AXIN1: variants seen among roughly 807,000 people sequenced by gnomAD.
The protein encoded by AXIN1 is axin-1.
AXIN1 carries 30 observed loss-of-function variants against 76.4 expected under a neutral mutation model. That is an observed-to-expected ratio of 0.39 (90% CI 0.29 to 0.53). The LOEUF is 0.53. AXIN1 is among the 20% of genes least tolerant of loss of function. The pLI is 0.66. For synonymous variants in AXIN1, 545 were observed against 501.4 expected, an observed-to-expected ratio of 1.09 and a Z score of -1.16; for missense variants, 1,140 against 1,198.8, an observed-to-expected ratio of 0.95 and a Z score of 0.72.
intron 1 of AXIN1, among the ~76,000 whole-genome samples, chr16:349,597 T>C (rs1567310297): frequency 6.6e-6 from 1 of 152,166 alleles, no homozygotes; most frequent in African/African-American, 2.4e-5. Flanking sequence ...ACTTAAGTCT[T>C]CTGTGTTAAT....
At position 328,808 on chromosome 16, in the gene AXIN1, G is replaced by T. The variant is rs1416703362; in HGVS notation, c.879-14125C>A. 2.0e-5 allele frequency among the ~76,000 whole-genome samples: 3 copies of T among 152,206 alleles called. No homozygotes were observed. In the East Asian group the frequency reaches 5.8e-4, roughly 29 times the overall value. On this transcript the variant is annotated intron_variant, in intron 2 of 10. Transcript: ENST00000262320. ...AACGGGTGCTACAGACAGGAGAGAT[G>T]GCAGGCAGGGAGAGTGTGGCCGGGC... is the stretch of plus-strand genomic sequence containing the variant.
At position 293,836 on chromosome 16, in the gene AXIN1, T is replaced by G; in HGVS notation, c.1956-118A>C. On this transcript the variant is annotated intron_variant, in intron 7 of 10. Transcript: ENST00000262320. This position sits in a 1 kb window ranked among gnomAD's most constrained non-coding sequence, Gnocchi z 4.6. ...TGAGGGATAGGATGGGATGGGGCAC[T>G]GGGGCCTGGCCACCAAGCCACATGG... 1.0e-6 allele frequency: 1 copy of G among 999,214 alleles called. No homozygotes were observed. The highest frequency in any genetic ancestry group is 2.4e-5 in the East Asian group (1 of 41,394). 61.9% of individuals were successfully genotyped at this position (999,214 alleles called of 1,614,324 possible).
chr16:349,158 A>G (rs895539233), intron 1 of AXIN1, among the ~76,000 whole-genome samples: 1 of 152,176 alleles, frequency 6.6e-6, no homozygotes, highest in Non-Finnish European at 1.5e-5. Context: ...AGAAGCACCC[A>G]TAGATGGAGG....
At chr16:321,272 C>A (rs919053366) in intron 2 of AXIN1, among the ~76,000 whole-genome samples, 1 of 150,966 alleles carries the variant, frequency 6.6e-6, no homozygotes, top group Non-Finnish European at 1.5e-5. Flanking sequence ...CATTTCCATA[C>A]CCAGGCAGGA....
chr16:309,306 AG>A (rs1366995412), intron 4 of AXIN1, among the ~76,000 whole-genome samples: 2 of 148,838 alleles, frequency 1.3e-5, no homozygotes, highest in African/African-American at 5.0e-5. Flanking sequence ...AAAAAAAAAA[AG>A]AAAACACTTT....
chr16:334,926 A>G (rs74000529), intron 2 of AXIN1, among the ~76,000 whole-genome samples: 11,965 of 152,150 alleles, frequency 0.079, 1,140 homozygotes, highest in African/African-American at 0.22. Flanking sequence ...ACTCTGAGGC[A>G]GAAATAGAAA....
chr16:346,812 G>T lies in AXIN1; in HGVS notation c.214C>A (p.Pro72Thr), dbSNP rs2141707351. The T allele has an allele frequency of 6.2e-7, 1 of 1,613,298 alleles. No homozygotes were observed. The highest frequency in any genetic ancestry group is 8.5e-7 in the Non-Finnish European group (1 of 1,179,378). Reference sequence around the variant, plus strand: ...GGGGTGGGGGAGGCACTGCCCTCAGGCTCATACCCCAGGTCCAGATCCGAG... The same window carrying T: ...GGGGTGGGGGAGGCACTGCCCTCAGTCTCATACCCCAGGTCCAGATCCGAG... ...RRSDLDLGYE[P>T]EGSASPTPPY... The change falls in exon 2 of 11, where the codon CCT becomes ACT. Residue 72 changes from proline (P) to threonine (T), a missense_variant. Coordinates refer to ENST00000262320, the MANE Select transcript of AXIN1 (RefSeq NM_003502.4).
intron 8 of AXIN1, chr16:291,599 C>T: frequency 2.1e-6 from 1 of 486,034 alleles, no homozygotes; most frequent in Non-Finnish European, 3.8e-6. Flanking sequence ...ACCTCATCCC[C>T]TCTGGTGGGA....
intron 2 of AXIN1, among the ~76,000 whole-genome samples, chr16:329,879 C>A (rs1488070908): frequency 1.3e-5 from 2 of 151,500 alleles, no homozygotes; most frequent in Middle Eastern, 3.4e-3. Flanking sequence ...GTGATCCACC[C>A]GCCTCAGCCT....
chr16:326,882 T>C (rs1159945399), intron 2 of AXIN1, among the ~76,000 whole-genome samples: 1 of 151,884 alleles, frequency 6.6e-6, no homozygotes, highest in Non-Finnish European at 1.5e-5. Context: ...GGCTCACACC[T>C]GTAATCCCAA....
At chr16:319,806 G>T (rs2053398544) in intron 2 of AXIN1, among the ~76,000 whole-genome samples, 1 of 152,108 alleles carries the variant, frequency 6.6e-6, no homozygotes, top group African/African-American at 2.4e-5. Flanking sequence ...CTTTTAAAAA[G>T]GTAGCATAAC....
intron 2 of AXIN1, among the ~76,000 whole-genome samples, chr16:331,698 T>C (rs528216488): frequency 4.5e-4 from 69 of 152,322 alleles, no homozygotes; most frequent in Admixed American, 1.7e-3. Flanking sequence ...TTGTTCACCA[T>C]GGAAATGCTT....
intron 2 of AXIN1, among the ~76,000 whole-genome samples, chr16:331,553 C>T (rs188416159): frequency 3.0e-4 from 45 of 152,224 alleles, no homozygotes; most frequent in Non-Finnish European, 5.6e-4. Context: ...TCACTTTACC[C>T]AAATGAAAGA....
chr16:310,468 C>CT (rs2053148160), intron 3 of AXIN1, among the ~76,000 whole-genome samples: 1 of 151,928 alleles, frequency 6.6e-6, no homozygotes, highest in Admixed American at 6.6e-5. Flanking sequence ...ACAATCTCGG[C>CT]TCACTGCAAG....
chr16:313,531 A>T (rs1240129271), intron 3 of AXIN1, among the ~76,000 whole-genome samples: 4 of 152,234 alleles, frequency 2.6e-5, no homozygotes, highest in Non-Finnish European at 5.9e-5. Flanking sequence ...CCAGCTGCTC[A>T]CAAGTTCATA....
chr16:323,815 A>C (rs2053518657), intron 2 of AXIN1, among the ~76,000 whole-genome samples: 1 of 150,504 alleles, frequency 6.6e-6, no homozygotes, highest in African/African-American at 2.5e-5. Flanking sequence ...AACAAAACAA[A>C]ACACTGAGGG....
chr16:288,328 C>CCA (rs2052446263), intron 10 of AXIN1, 80 bp from the exon 11 acceptor site: 1 of 1,572,192 alleles, frequency 6.4e-7, no homozygotes. Context: ...GACGGCGTGT[C>CCA]CACACCCCAT....
At chr16:316,635 A>T (rs1022943076) in intron 2 of AXIN1, among the ~76,000 whole-genome samples, 1 of 152,148 alleles carries the variant, frequency 6.6e-6, no homozygotes, top group African/African-American at 2.4e-5. Flanking sequence ...CCAGCTTTAC[A>T]GGGGGTTTAT....
rs770968558 is a variant in AXIN1 at position 297,932 on chromosome 16, T to C, written c.1574A>G (p.Asp525Gly). 6.2e-7 allele frequency: 1 copy of C among 1,600,814 alleles called. No individual in the cohort carries two copies. The highest frequency in any genetic ancestry group is 2.2e-5 in the East Asian group (1 of 44,612). ...TCGGTGGTGGTGCAGGCCGGCCGCG[T>C]CCAGCTTCGCCCCTGACTTGGGTAC... ...KHVPKSGAKL[D>G]AAGLHHHRHV... The change falls in exon 6 of 11, where the codon GAC becomes GGC. Residue 525 changes from aspartate to glycine, a missense_variant. Around this residue, in one of 3 missense-constraint regions of AXIN1, gnomAD observed 708 missense variants for 776.9 expected, o/e 0.91. Coordinates refer to ENST00000262320, the MANE Select transcript of AXIN1 (RefSeq NM_003502.4).
Sources: gnomAD v4.1 joint callset for allele counts (sites outside exome capture counted in the v4.1 genomes callset) on GRCh38, gnomAD v4.1.1 for gene constraint, gnomAD v4.1.1 regional missense constraint, Gnocchi (gnomAD v3.1) non-coding constraint, MANE v1.5 for transcripts, NCBI Gene and HGNC (gene_info 2026-07-23, HGNC 2026-07-21) for gene names.